RBFOX1: variants seen among roughly 807,000 people sequenced by gnomAD.
RBFOX1 encodes the protein RNA binding protein fox-1 homolog 1.
RBFOX1 carries 8 observed loss-of-function variants against 57.7 expected under a neutral mutation model. The ratio of observed to expected loss-of-function variants is 0.14; its 90% CI spans 0.08 to 0.25. RBFOX1 has a LOEUF of 0.25. Among genes scored for constraint, RBFOX1 ranks in the 10% least tolerant of loss-of-function variants. The pLI is 1.00. For synonymous variants in RBFOX1, 326 were observed against 222.4 expected, an observed-to-expected ratio of 1.47 and a Z score of -4.15; for missense variants, 611 against 548.5, an observed-to-expected ratio of 1.11 and a Z score of -1.14.
At position 6,904,616 on chromosome 16, in the gene RBFOX1, A is replaced by AG. The variant is rs2069332815; in HGVS notation, c.-15-147441_-15-147440insG. On this transcript the variant is annotated intron_variant, in intron 3 of 15. Transcript: ENST00000550418. The stretch of plus-strand genomic sequence containing the variant: ...ACTCTCTCTAAAAAAAAAAAAAAAA[A>AG]AAAAAAAAAAAAGAAGAAGAAGAAA... Among the ~76,000 whole-genome samples, 3 of 128,498 alleles carry AG rather than the reference A, an allele frequency of 2.3e-5. No individual in the cohort carries two copies. In the Admixed American group the frequency reaches 2.4e-4, roughly 10 times the overall value. 84.3% of individuals were successfully genotyped at this position (128,498 alleles called of 152,430 possible).
At chr16:6,815,503 T>C (rs565948590) in intron 3 of RBFOX1, among the ~76,000 whole-genome samples, 159 of 152,288 alleles carry the variant, frequency 1.0e-3, no homozygotes, top group African/African-American at 3.7e-3. Flanking sequence ...TATGATTATA[T>C]TTCTAAATTG....
At chr16:6,288,981 G>A (rs1415390931) in intron 1 of RBFOX1, among the ~76,000 whole-genome samples, 2 of 152,162 alleles carry the variant, frequency 1.3e-5, no homozygotes, top group Admixed American at 6.5e-5. Flanking sequence ...CTCCAGTGGT[G>A]TGAGAAGAGT....
chr16:6,739,555 A>G (rs1056726781), intron 3 of RBFOX1, among the ~76,000 whole-genome samples: 1 of 147,656 alleles, frequency 6.8e-6, no homozygotes, highest in Non-Finnish European at 1.5e-5. Flanking sequence ...AAAACATTTA[A>G]CACCAATTCT....
chr16:7,296,084 C>T lies in RBFOX1; in HGVS notation c.28-222063C>T, dbSNP rs766183504. Among the ~76,000 whole-genome samples the T allele has an allele frequency of 6.6e-4, 100 of 151,984 alleles. 1 individual carries two copies. The highest frequency in any genetic ancestry group is 2.2e-4 in the Non-Finnish European group (15 of 68,012). The stretch of plus-strand genomic sequence containing the variant: ...AGTGCCTATGCTGAGAAGCACTTTA[C>T]ATTCATTATCTCGGTGGTTCCCAAA... On this transcript the variant is annotated intron_variant, in intron 4 of 15. Coordinates refer to ENST00000550418, the MANE Select transcript of RBFOX1 (RefSeq NM_018723.4).
chr16:6,448,828 T>C (rs559107043), intron 2 of RBFOX1, among the ~76,000 whole-genome samples: 1 of 152,338 alleles, frequency 6.6e-6, no homozygotes, highest in East Asian at 1.9e-4. Flanking sequence ...AAGGTACATA[T>C]GTAGCCACTA....
chr16:5,925,458 C>A (rs988962753), intron 4 of RBFOX1, among the ~76,000 whole-genome samples: 36 of 152,082 alleles, frequency 2.4e-4, no homozygotes, highest in Admixed American at 1.2e-3. Context: ...ACAGGAAAAC[C>A]CATGGAAACA....
intron 1 of RBFOX1, among the ~76,000 whole-genome samples, chr16:6,113,044 G>A (rs1015000656): frequency 6.6e-6 from 1 of 152,134 alleles, no homozygotes; most frequent in South Asian, 2.1e-4. Context: ...CCATCCTAAA[G>A]CATAGTTCCT....
intron 2 of RBFOX1, among the ~76,000 whole-genome samples, chr16:6,424,290 G>A (rs1485443849): frequency 6.6e-6 from 1 of 152,080 alleles, no homozygotes; most frequent in African/African-American, 2.4e-5. Flanking sequence ...CAGAAGTGTT[G>A]CCTGCATTAA....
At chr16:5,258,309 A>G (rs1240549298) in intron 1 of RBFOX1, among the ~76,000 whole-genome samples, 2 of 152,078 alleles carry the variant, frequency 1.3e-5, no homozygotes, top group East Asian at 3.9e-4. Flanking sequence ...TATTTACTCC[A>G]TTTGTTTTTC....
intron 11 of RBFOX1, among the ~76,000 whole-genome samples, chr16:7,638,741 A>G (rs1255969466): frequency 6.6e-6 from 1 of 152,190 alleles, no homozygotes; most frequent in East Asian, 1.9e-4. Context: ...ATAGACTTCT[A>G]GGTTGAAACA....
chr16:6,516,139 C>T (rs1386135716), intron 2 of RBFOX1, among the ~76,000 whole-genome samples: 1 of 152,178 alleles, frequency 6.6e-6, no homozygotes, highest in African/African-American at 2.4e-5. Flanking sequence ...AGCAGTTCTT[C>T]TGCTTCAGCC....
intron 4 of RBFOX1, among the ~76,000 whole-genome samples, chr16:7,088,026 T>C (rs2060250724): frequency 6.6e-6 from 1 of 152,210 alleles, no homozygotes; most frequent in African/African-American, 2.4e-5. Flanking sequence ...TGCACTGGTA[T>C]AGTACATGTG....
intron 1 of RBFOX1, among the ~76,000 whole-genome samples, chr16:6,118,168 T>A (rs1489242457): frequency 6.6e-6 from 1 of 152,202 alleles, no homozygotes; most frequent in Non-Finnish European, 1.5e-5. Context: ...GACCATGCTG[T>A]TAACTGAAAT....
At chr16:5,701,770 C>A (rs1037474411) in intron 3 of RBFOX1, among the ~76,000 whole-genome samples, 1 of 152,178 alleles carries the variant, frequency 6.6e-6, no homozygotes, top group Non-Finnish European at 1.5e-5. Context: ...TTACCAGAGG[C>A]ATTTTTTGTC....
rs188270593 is a variant in RBFOX1, at chr16:6,244,634, C to T, written c.-126-72361C>T. 3.9e-5 allele frequency among the ~76,000 whole-genome samples: 6 copies of T among 152,262 alleles called. No homozygotes were observed. In the East Asian group the frequency reaches 7.7e-4, roughly 20 times the overall value. On this transcript the variant is annotated intron_variant, in intron 1 of 15. Transcript: ENST00000550418. ...AAGCAATTCTCCTGCCTCAGCCTCC[C>T]GAGTAGCTGGGATTACAGGCATGTG...
intron 3 of RBFOX1, among the ~76,000 whole-genome samples, chr16:7,013,865 C>G (rs868487233): frequency 9.2e-5 from 14 of 152,166 alleles, no homozygotes; most frequent in Middle Eastern, 6.8e-3. Context: ...ACCATGTTAC[C>G]CAGGTCATTC....
At chr16:6,008,585 G>C (rs1030458381) in intron 4 of RBFOX1, among the ~76,000 whole-genome samples, 1 of 152,152 alleles carries the variant, frequency 6.6e-6, no homozygotes, top group African/African-American at 2.4e-5. Flanking sequence ...AGGAGCTGGA[G>C]TCATATCCCA....
chr16:7,464,157 T>C (rs4787022), intron 4 of RBFOX1, among the ~76,000 whole-genome samples: 144,079 of 152,270 alleles, frequency 0.95, 68,196 homozygotes, highest in East Asian at 1. Context: ...TAAGATAGGG[T>C]TACATTATTC....
chr16:7,639,920 C>A (rs185533608), intron 11 of RBFOX1, among the ~76,000 whole-genome samples: 257 of 152,262 alleles, frequency 1.7e-3, no homozygotes, highest in Middle Eastern at 3.4e-3. Flanking sequence ...GCAGAATTAT[C>A]CAGCTACCCC....
Sources: allele counts gnomAD v4.1 joint callset (sites outside exome capture counted in the v4.1 genomes callset), GRCh38; gene constraint gnomAD v4.1.1; transcripts MANE v1.5; gene names NCBI Gene and HGNC (gene_info 2026-07-23, HGNC 2026-07-21).